The following B3GALNT2 variants were observed in gnomAD, a reference collection of about 807,000 sequenced individuals.
The protein encoded by B3GALNT2 is UDP-GalNAc:beta-1,3-N-acetylgalactosaminyltransferase 2.
A neutral mutation model predicts 61.1 loss-of-function variants in B3GALNT2; 53 were observed. That is an observed-to-expected ratio of 0.87 (90% confidence interval 0.70 to 1.09). B3GALNT2 has a LOEUF of 1.09. Ranked by LOEUF, B3GALNT2 falls within the 50% of genes least tolerant of loss-of-function variation. B3GALNT2 has a pLI of 0.00. For missense variants in B3GALNT2, 544 were observed against 623.0 expected (o/e 0.87, Z 1.35); for synonymous variants, 223 against 237.4 (o/e 0.94, Z 0.56).
chr1:235,458,534 A>G (rs1320694010), intron 8 of B3GALNT2, 69 bp downstream of exon 8: 1 of 1,513,692 alleles, frequency 6.6e-7, no homozygotes, highest in Non-Finnish European at 8.8e-7. Flanking sequence ...GCCTAGTAAG[A>G]CCCCATCTCA....
chr1:235,490,253 CAG>C (rs1350968764), intron 2 of B3GALNT2, among the ~76,000 whole-genome samples: 4 of 151,868 alleles, frequency 2.6e-5, no homozygotes, highest in Non-Finnish European at 4.4e-5. Flanking sequence ...TTTTTTGAGA[CAG>C]AGTCTCGCTC....
chr1:235,464,590 C>T (rs1356836747), intron 7 of B3GALNT2: 13 of 151,814 alleles, frequency 8.6e-5, no homozygotes, highest in African/African-American at 2.9e-4. Context: ...CCTGTCTCTA[C>T]AAAACATTTA....
chr1:235,447,469 A>AAGTT lies in B3GALNT2; in HGVS notation c.*2733_*2736dup, dbSNP rs1682443989. ...TGAACAAACCAAAGCATTTACTCGG[A>AAGTT]AGTTACATTCCCATGCCTGGCAGTC... On this transcript the variant is annotated 3_prime_UTR_variant, in exon 12 of 12. Transcript: ENST00000366600. Among the ~76,000 whole-genome samples, 1 of 152,178 alleles carries AAGTT rather than the reference A, an allele frequency of 6.6e-6. No individual in the cohort carries two copies. The highest frequency in any genetic ancestry group is 1.5e-5 in the Non-Finnish European group (1 of 68,038).
At chr1:235,463,774 G>A (rs897801886) in intron 7 of B3GALNT2, 1 of 151,790 alleles carries the variant, frequency 6.6e-6, no homozygotes, top group African/African-American at 2.4e-5. Context: ...TCACCATGTT[G>A]GTCAGGCTGG....
intron 8 of B3GALNT2, among the ~76,000 whole-genome samples, chr1:235,456,943 G>A (rs192872317): frequency 4.0e-5 from 6 of 151,774 alleles, no homozygotes; most frequent in African/African-American, 1.5e-4. Flanking sequence ...CCTAGTATTC[G>A]ACACACCCAG....
chr1:235,486,289 C>T (rs1684801609), intron 3 of B3GALNT2, among the ~76,000 whole-genome samples: 1 of 152,148 alleles, frequency 6.6e-6, no homozygotes, highest in South Asian at 2.1e-4. Flanking sequence ...TGGGCAAGCA[C>T]TAACTGGAGA....
chr1:235,455,515 G>C (rs1036192877), intron 9 of B3GALNT2, 44 bp downstream of exon 9: 3 of 1,574,974 alleles, frequency 1.9e-6, no homozygotes, highest in African/African-American at 1.4e-5. Context: ...AATTACATTT[G>C]ATCAGGTACA....
At chr1:235,471,891 G>A (rs1684024337) in intron 5 of B3GALNT2, among the ~76,000 whole-genome samples, 1 of 151,828 alleles carries the variant, frequency 6.6e-6, no homozygotes, top group African/African-American at 2.4e-5. Flanking sequence ...TGGAACTCCT[G>A]ACCTCAAGTG....
chr1:235,467,324 G>C (rs1381386639), intron 6 of B3GALNT2, among the ~76,000 whole-genome samples: 6 of 151,896 alleles, frequency 4.0e-5, no homozygotes, highest in Admixed American at 6.6e-5. Flanking sequence ...ACTCCAGCCT[G>C]GGTGACAGAG....
chr1:235,474,472 C>A (rs1048625320), intron 5 of B3GALNT2, among the ~76,000 whole-genome samples: 1 of 152,152 alleles, frequency 6.6e-6, no homozygotes, highest in African/African-American at 2.4e-5. Context: ...ACATTAACAA[C>A]TTCTTGTGGA....
chr1:235,487,317 C>T (rs549674864), intron 3 of B3GALNT2, among the ~76,000 whole-genome samples: 1 of 152,226 alleles, frequency 6.6e-6, no homozygotes, highest in Admixed American at 6.5e-5. Flanking sequence ...ATATATTGTC[C>T]AATTTATTTA....
rs1683658276 is a variant in B3GALNT2 at position 235,465,652 on chromosome 1, A to G, written c.825T>C (p.Phe275=). 1 of 1,613,956 alleles carries G rather than the reference A, an allele frequency of 6.2e-7. No homozygotes were observed. Among genetic ancestry groups the G allele is most frequent in the South Asian group, 1.1e-5 (1 of 91,080 alleles). ...CAAACTTACCCTGAATAGTATATAT[A>G]AAACCACCTGCAACTCCCTCCACAC... ...LEGVEGVAGG[F]IYTIQEGDAL... The change falls in exon 7 of 12, where the codon TTT becomes TTC. Residue 275 remains phenylalanine, a synonymous_variant. Coordinates refer to ENST00000366600, the MANE Select transcript of B3GALNT2 (RefSeq NM_152490.5).
In B3GALNT2 at chr1:235,480,169, G is replaced by A. The variant is rs1437226245; in HGVS notation, c.556-20C>T. 2.5e-6 allele frequency: 4 copies of A among 1,610,358 alleles called. No homozygotes were observed. Among genetic ancestry groups the A allele is most frequent in the Admixed American group, 1.7e-5 (1 of 59,032 alleles). ...GGCCTCCTACAAATTGGGAGAAAAA[G>A]ACAAGAAAAAATACTTCATGTTATA... On this transcript the variant is annotated intron_variant, in intron 4 of 11. Transcript: ENST00000366600.
chr1:235,457,357 C>CT (rs1471404863), intron 8 of B3GALNT2, among the ~76,000 whole-genome samples: 1 of 151,980 alleles, frequency 6.6e-6, no homozygotes, highest in Non-Finnish European at 1.5e-5. Context: ...AGTGAATACC[C>CT]TTTATAGGTT....
At chr1:235,489,841 A>C (rs995303092) in intron 2 of B3GALNT2, among the ~76,000 whole-genome samples, 69 of 152,196 alleles carry the variant, frequency 4.5e-4, no homozygotes, top group African/African-American at 1.6e-3. Context: ...AAAGAAATTA[A>C]AACTGCAGCC....
Position 235,465,641 on chromosome 1 carries a change from A to G in B3GALNT2, c.836T>C (p.Ile279Thr). ...EGVAGGFIYT[I>T]QEGDALLHNL... is the part of the protein sequence containing the mutation. ...GTTTCAACTAGCAAACTTACCCTGA[A>G]TAGTATATATAAAACCACCTGCAAC... The change falls in exon 7 of 12, where the codon ATT becomes ACT. Residue 279 changes from isoleucine to threonine, a missense_variant. Ile to Thr is a moderately conservative substitution (Grantham distance 89). Transcript: ENST00000366600. The G allele has an allele frequency of 6.2e-7, 1 of 1,614,070 alleles. No homozygotes were observed.
At position 235,484,443 on chromosome 1, in the gene B3GALNT2, A is replaced by C; in HGVS notation, c.434T>G (p.Val145Gly). Residue 145 changes from valine to glycine, a missense_variant, in exon 4 of 12, where the codon GTC becomes GGC. Coordinates refer to ENST00000366600, the MANE Select transcript of B3GALNT2 (RefSeq NM_152490.5). ...GTAGAGAACTCGGAAACTCACGCTG[A>C]CAACTCGATCCTCAGGCAGCCCCGA... The part of the protein sequence containing the change: ...TSSGLPEDRV[V>G]SVSFRVLYPI... The C allele has an allele frequency of 6.2e-7, 1 of 1,614,224 alleles. No homozygotes were observed. The highest frequency in any genetic ancestry group is 8.5e-7 in the Non-Finnish European group (1 of 1,180,036).
chr1:235,502,107 G>T (rs773936453), intron 1 of B3GALNT2, among the ~76,000 whole-genome samples: 4 of 152,148 alleles, frequency 2.6e-5, no homozygotes, highest in Non-Finnish European at 4.4e-5. Flanking sequence ...CCGCCTCCGA[G>T]GTTCAAGTGA....
chr1:235,442,146 C>T, the B3GALNT2 span, among the ~76,000 whole-genome samples: 75,134 of 151,384 alleles, frequency 0.5, 19,109 homozygotes, highest in East Asian at 0.65. Context: ...GTAGCTGGGA[C>T]TACAGGCATA....
Sources: allele counts gnomAD v4.1 joint callset (sites outside exome capture counted in the v4.1 genomes callset), GRCh38; gene constraint gnomAD v4.1.1; transcripts MANE v1.5; gene names NCBI Gene and HGNC (gene_info 2026-07-23, HGNC 2026-07-21).